RANBP2: variants seen among roughly 807,000 people sequenced by gnomAD.
The protein encoded by RANBP2 is RAN binding protein 2, also known as E3 SUMO-protein ligase RanBP2.
In RANBP2, 57 loss-of-function variants were observed where a neutral mutation model predicts 303.6. The observed-to-expected ratio is 0.19, with a 90% CI of 0.15 to 0.23. The LOEUF is 0.23. Among genes scored for constraint, RANBP2 ranks in the 10% least tolerant of loss-of-function variants. The pLI is 1.00. For synonymous variants in RANBP2, 1,167 were observed against 1,301.5 expected, an observed-to-expected ratio of 0.90 and a Z score of 2.23; for missense variants, 3,138 against 3,780.8, an observed-to-expected ratio of 0.83 and a Z score of 4.46.
the RANBP2 span, among the ~76,000 whole-genome samples, chr2:109,004,478 T>G: frequency 4.6e-5 from 7 of 152,374 alleles, no homozygotes; most frequent in African/African-American, 1.7e-4. Flanking sequence ...TTTTAAAGCA[T>G]GCTTCAGGTG....
At chr2:109,130,102 C>T in the RANBP2 span, 1 of 1,334,426 alleles carries the variant, frequency 7.5e-7, no homozygotes, top group South Asian at 1.9e-5. Flanking sequence ...CAGGACCGCG[C>T]CGGCGGCAAA....
At chr2:109,596,106 G>A in the RANBP2 span, among the ~76,000 whole-genome samples, 1 of 152,018 alleles carries the variant, frequency 6.6e-6, no homozygotes, top group Non-Finnish European at 1.5e-5. Flanking sequence ...ATCACAGCTC[G>A]CTGCAGCCTC....
chr2:109,637,104 G>A, the RANBP2 span, among the ~76,000 whole-genome samples: 195 of 152,290 alleles, frequency 1.3e-3, no homozygotes, highest in Non-Finnish European at 2.0e-3. Context: ...AAACATGTGA[G>A]CAATAGAATC....
At chr2:109,615,097 A>G in the RANBP2 span, 1 of 1,549,706 alleles carries the variant, frequency 6.5e-7, no homozygotes, top group South Asian at 1.2e-5. Context: ...CCGGCCCGCC[A>G]GAACCTCCGT....
the RANBP2 span, among the ~76,000 whole-genome samples, chr2:109,210,649 G>T: frequency 6.6e-6 from 1 of 152,162 alleles, no homozygotes; most frequent in African/African-American, 2.4e-5. Context: ...AGTAAGGGGA[G>T]AGGTGGGGTC....
At chr2:109,153,840 A>C in the RANBP2 span, among the ~76,000 whole-genome samples, 19 of 152,188 alleles carry the variant, frequency 1.2e-4, no homozygotes, top group Non-Finnish European at 2.1e-4. Context: ...CTGCTTCCTG[A>C]GGGCTGACTC....
chr2:109,389,431 G>A, the RANBP2 span, among the ~76,000 whole-genome samples: 1 of 152,200 alleles, frequency 6.6e-6, no homozygotes, highest in Non-Finnish European at 1.5e-5. Flanking sequence ...AGGGCATACC[G>A]CATGAGTGTG....
At chr2:109,509,636 C>G in the RANBP2 span, among the ~76,000 whole-genome samples, 1 of 151,960 alleles carries the variant, frequency 6.6e-6, no homozygotes, top group African/African-American at 2.4e-5. Flanking sequence ...TTTAGTGTAT[C>G]CATCACCCGA....
At chr2:109,153,280 T>A in the RANBP2 span, among the ~76,000 whole-genome samples, 1 of 152,238 alleles carries the variant, frequency 6.6e-6, no homozygotes, top group Non-Finnish European at 1.5e-5. Flanking sequence ...TGTAGGTGTT[T>A]AAGCTGTCAC....
chr2:108,844,151 G>A, the RANBP2 span, among the ~76,000 whole-genome samples: 2 of 151,876 alleles, frequency 1.3e-5, no homozygotes, highest in East Asian at 1.9e-4. Context: ...GTGAGCCACC[G>A]CCCCCAGTTT....
the RANBP2 span, among the ~76,000 whole-genome samples, chr2:109,725,614 G>C: frequency 4.9e-4 from 75 of 152,332 alleles, 1 homozygote; most frequent in South Asian, 0.012. Context: ...CAGTCTTCTT[G>C]CTGAGGACTC....
chr2:108,908,056 G>C, the RANBP2 span: 4 of 1,573,374 alleles, frequency 2.5e-6, no homozygotes, highest in Middle Eastern at 1.7e-4. Flanking sequence ...AGCAGTGCCT[G>C]GGGGGGCTGC....
At chr2:108,806,066 T>C in the RANBP2 span, among the ~76,000 whole-genome samples, 1 of 152,168 alleles carries the variant, frequency 6.6e-6, no homozygotes, top group Non-Finnish European at 1.5e-5. Flanking sequence ...TTCCCTTTAA[T>C]CTCTACTTGT....
chr2:108,981,786 G>T, the RANBP2 span, among the ~76,000 whole-genome samples: 18 of 152,204 alleles, frequency 1.2e-4, no homozygotes, highest in African/African-American at 4.1e-4. Flanking sequence ...CAGGAGGGAG[G>T]TCTCAGGCAA....
chr2:108,952,929 C>A, the RANBP2 span, among the ~76,000 whole-genome samples: 1 of 152,172 alleles, frequency 6.6e-6, no homozygotes, highest in Non-Finnish European at 1.5e-5. Context: ...TATGTTTCTG[C>A]TTTTAGTTCC....
the RANBP2 span, among the ~76,000 whole-genome samples, chr2:109,647,379 G>A: frequency 6.6e-6 from 1 of 151,848 alleles, no homozygotes; most frequent in Non-Finnish European, 1.5e-5. Context: ...GGCCAAGATG[G>A]TCTCGATATC....
the RANBP2 span, among the ~76,000 whole-genome samples, chr2:109,076,129 G>T: frequency 1.3e-5 from 2 of 150,254 alleles, no homozygotes; most frequent in Non-Finnish European, 3.0e-5. Context: ...TGCAGGTTTG[G>T]TTCAATATAG....
At chr2:108,813,966 T>C in the RANBP2 span, among the ~76,000 whole-genome samples, 4 of 152,222 alleles carry the variant, frequency 2.6e-5, no homozygotes, top group African/African-American at 9.6e-5. Context: ...TATGACTGTA[T>C]CAGAGTTTGT....
the RANBP2 span, among the ~76,000 whole-genome samples, chr2:108,993,740 T>C: frequency 1.3e-5 from 2 of 152,218 alleles, no homozygotes; most frequent in East Asian, 3.9e-4. Flanking sequence ...AACTAAACTT[T>C]GAACACTGAC....
Sources: allele counts gnomAD v4.1 joint callset (sites outside exome capture counted in the v4.1 genomes callset), GRCh38; gene constraint gnomAD v4.1.1; transcripts MANE v1.5; gene names NCBI Gene and HGNC (gene_info 2026-07-23, HGNC 2026-07-21).